Variants in SLC25A30 observed in about 807,000 individuals in gnomAD.
The protein encoded by SLC25A30 is solute carrier family 25 member 30, also known as kidney mitochondrial carrier protein 1.
Under a neutral mutation model 42.7 loss-of-function variants are expected in SLC25A30, and 29 were observed. The observed-to-expected ratio is 0.68, with a 90% CI of 0.51 to 0.93. The LOEUF is 0.93. Ranked by LOEUF, SLC25A30 falls within the 40% of genes least tolerant of loss-of-function variation. SLC25A30 has a pLI of 0.00. For synonymous variants in SLC25A30, 124 were observed against 131.0 expected (o/e 0.95, Z 0.37); for missense variants, 300 against 359.7 (o/e 0.83, Z 1.34).
intron 1 of SLC25A30, chr13:45,412,037 C>T (rs2137685022): frequency 6.6e-6 from 1 of 151,914 alleles, no homozygotes; most frequent in East Asian, 1.9e-4. Context: ...GGATCACATC[C>T]CTCAGGTGCA....
At chr13:45,423,999 A>ATAAAAATATATATAAATATG in the SLC25A30 span, among the ~76,000 whole-genome samples, 2 of 84,656 alleles carry the variant, frequency 2.4e-5, no homozygotes, top group African/African-American at 9.1e-5. Flanking sequence ...ATAAATATAT[A>ATAAAAATATATATAAATATG]TAAAAATATA....
intron 2 of SLC25A30, among the ~76,000 whole-genome samples, chr13:45,410,686 T>C (rs2137678653): frequency 6.6e-6 from 1 of 152,164 alleles, no homozygotes; most frequent in South Asian, 2.1e-4. Flanking sequence ...GTGGTGCACA[T>C]CTGTAGTCTC....
chr13:45,423,587 AT>A, the SLC25A30 span, among the ~76,000 whole-genome samples: 8 of 62,438 alleles, frequency 1.3e-4, 1 homozygote, highest in African/African-American at 2.9e-4. Flanking sequence ...AAAAATATAT[AT>A]AAATATATAT....
the SLC25A30 span, among the ~76,000 whole-genome samples, chr13:45,423,461 C>G: frequency 8.8e-5 from 12 of 135,644 alleles, no homozygotes; most frequent in Non-Finnish European, 1.7e-4. Flanking sequence ...GTCCATGGAC[C>G]AATTTATCCA....
the SLC25A30 span, among the ~76,000 whole-genome samples, chr13:45,424,810 A>AT: frequency 2.9e-3 from 181 of 63,240 alleles, 6 homozygotes; most frequent in African/African-American, 0.011. Context: ...ATATATAAAA[A>AT]AATATAAATA....
At chr13:45,396,429 G>A (rs1434814922) in intron 9 of SLC25A30, 54 of 823,334 alleles carry the variant, frequency 6.6e-5, no homozygotes, top group Non-Finnish European at 7.8e-5. Flanking sequence ...AGAGCAACAA[G>A]AGGACAGCAA....
intron 3 of SLC25A30, among the ~76,000 whole-genome samples, chr13:45,408,176 C>T (rs1882691922): frequency 6.6e-6 from 1 of 152,178 alleles, no homozygotes; most frequent in Non-Finnish European, 1.5e-5. Context: ...TCGAACTGCA[C>T]ACACATATAC....
the SLC25A30 span, among the ~76,000 whole-genome samples, chr13:45,424,467 A>G: frequency 2.1e-3 from 167 of 78,048 alleles, 11 homozygotes; most frequent in African/African-American, 7.9e-3. Context: ...ACATATAAAA[A>G]TATATAAATA....
the SLC25A30 span, among the ~76,000 whole-genome samples, chr13:45,429,973 G>C: frequency 6.6e-6 from 1 of 152,010 alleles, no homozygotes; most frequent in South Asian, 2.1e-4. Context: ...ATCACCTGAT[G>C]TTGGTGAAAA....
chr13:45,423,800 ATT>A, the SLC25A30 span, among the ~76,000 whole-genome samples: 20 of 63,504 alleles, frequency 3.1e-4, 1 homozygote, highest in African/African-American at 1.2e-3. Flanking sequence ...ATAAATATAT[ATT>A]TATATATATA....
intron 7 of SLC25A30, among the ~76,000 whole-genome samples, chr13:45,400,152 TGGCTGACACC>T (rs1462066792): frequency 1.8e-4 from 28 of 151,926 alleles, no homozygotes; most frequent in African/African-American, 6.3e-4. Context: ...AGGCCGGCAA[TGGCTGACACC>T]TGTAATCCCA....
chr13:45,399,009 C>G lies in SLC25A30; in HGVS notation c.684G>C (p.Met228Ile). The G allele has an allele frequency of 1.2e-6, 2 of 1,614,032 alleles. No individual in the cohort carries two copies. The highest frequency in any genetic ancestry group is 1.1e-5 in the South Asian group (1 of 91,078). Reference sequence around the variant, plus strand: ...CATCTCGAAGCACTCTCTGATTCATCATACGTGTCCTCACAACATCAACAG... The same window carrying G: ...CATCTCGAAGCACTCTCTGATTCATGATACGTGTCCTCACAACATCAACAG... Reference protein sequence around the residue: ...SNPVDVVRTRMMNQRVLRDGR... With the variant: ...SNPVDVVRTRIMNQRVLRDGR... The change falls in exon 8 of 10, where the codon ATG becomes ATC. Residue 228 changes from methionine (M) to isoleucine (I), a missense_variant. Physicochemically the swap from Met to Ile is conservative, Grantham distance 10. Coordinates refer to ENST00000519676, the MANE Select transcript of SLC25A30 (RefSeq NM_001010875.4).
chr13:45,432,589 G>A, the SLC25A30 span, among the ~76,000 whole-genome samples: 2 of 151,744 alleles, frequency 1.3e-5, no homozygotes, highest in Non-Finnish European at 2.9e-5. Flanking sequence ...TTGTCCTGAG[G>A]TTTACACTCA....
At chr13:45,406,564 C>T (rs1882532357) in intron 3 of SLC25A30, among the ~76,000 whole-genome samples, 1 of 152,112 alleles carries the variant, frequency 6.6e-6, no homozygotes, top group Admixed American at 6.5e-5. Context: ...TCCTATTATC[C>T]TCTCCAAACC....
intron 9 of SLC25A30, chr13:45,396,307 C>A: frequency 7.8e-7 from 1 of 1,281,726 alleles, no homozygotes; most frequent in Non-Finnish European, 9.9e-7. Flanking sequence ...AAAAACTTTC[C>A]AGCACTGTAA....
In SLC25A30 at chr13:45,393,523, T is replaced by C; in HGVS notation, c.*2451A>G. Reference sequence around the variant, plus strand: ...TATTATGAATCCACAACATTAAGCATCAATGATTACACAAATCCATAAGCA... The same window carrying C: ...TATTATGAATCCACAACATTAAGCACCAATGATTACACAAATCCATAAGCA... On this transcript the variant is annotated 3_prime_UTR_variant, in exon 10 of 10. Coordinates refer to ENST00000519676, the MANE Select transcript of SLC25A30 (RefSeq NM_001010875.4). 2.3e-5 allele frequency: 23 copies of C among 985,368 alleles called. No individual in the cohort carries two copies. Among genetic ancestry groups the C allele is most frequent in the Non-Finnish European group, 2.8e-5 (23 of 829,920 alleles). 61.0% of individuals were successfully genotyped at this position (985,368 alleles called of 1,614,324 possible). A position where few individuals can be genotyped will look rare whatever the true frequency, so the allele number is the denominator to read the frequency against.
In SLC25A30 at chr13:45,394,214, G is replaced by C. The variant is rs943195282; in HGVS notation, c.*1760C>G. ...GAGCTGGACTTTCATCTGAGTCTCA[G>C]CAATTAACAGGTAACCCTACCCCAC... is the stretch of plus-strand genomic sequence containing the variant. On this transcript the variant is annotated 3_prime_UTR_variant, in exon 10 of 10. Transcript: ENST00000519676. The C allele has an allele frequency of 2.0e-5, 20 of 985,220 alleles. No individual in the cohort carries two copies. The highest frequency in any genetic ancestry group is 2.3e-5 in the Non-Finnish European group (19 of 829,930). The allele number at this position is 985,220 out of a possible 1,614,324, so 61.0% of individuals were successfully genotyped here.
Position 45,401,075 on chromosome 13 carries a change from G to T in SLC25A30, c.614+8C>A. 1 of 1,584,692 alleles carries T rather than the reference G, an allele frequency of 6.3e-7. No individual in the cohort carries two copies. The highest frequency in any genetic ancestry group is 1.2e-5 in the South Asian group (1 of 84,740). On this transcript the variant is annotated splice_region_variant and intron_variant, in intron 7 of 9. Transcript: ENST00000519676. The stretch of plus-strand genomic sequence containing the variant: ...TCTATAATTTTTTAAAAAAAGCCAT[G>T]AACATACAGGAAGTGGGTATACACA...
Position 45,407,545 on chromosome 13 carries a change from C to G in SLC25A30, c.212+1382G>C, listed in dbSNP as rs1026315724. Among the ~76,000 whole-genome samples, 31 of 152,018 alleles carry G rather than the reference C, an allele frequency of 2.0e-4. 1 individual carries two copies. Among genetic ancestry groups the G allele is most frequent in the African/African-American group, 7.5e-4 (31 of 41,392 alleles). ...CTGCACTCCAGCCTGGGTGACAAAG[C>G]AAGACCCTGTCTCAAAATAAATAAA... On this transcript the variant is annotated intron_variant, in intron 3 of 9. Coordinates refer to ENST00000519676, the MANE Select transcript of SLC25A30 (RefSeq NM_001010875.4).
Sources: allele counts gnomAD v4.1 joint callset (sites outside exome capture counted in the v4.1 genomes callset), GRCh38; gene constraint gnomAD v4.1.1; transcripts MANE v1.5; gene names NCBI Gene and HGNC (gene_info 2026-07-23, HGNC 2026-07-21).